WWOX: variants seen among roughly 807,000 people sequenced by gnomAD.
WWOX encodes the protein WW domain containing oxidoreductase, also known as WW domain-containing oxidoreductase.
WWOX carries 69 observed loss-of-function variants against 46.2 expected under a neutral mutation model. The observed-to-expected ratio is 1.49, with a 90% CI of 1.23 to 1.82. The LOEUF (loss-of-function observed/expected upper bound fraction) is 1.82, where lower values mean the gene tolerates loss of function less well. Ranked by LOEUF, WWOX falls within the 40% of genes most tolerant of loss-of-function variation. The pLI is 0.00. For missense variants in WWOX, 919 were observed against 542.6 expected (o/e 1.69, Z -6.89); for synonymous variants, 359 against 202.6 (o/e 1.77, Z -6.56).
At chr16:78,545,424 C>T (rs921162888) in intron 8 of WWOX, among the ~76,000 whole-genome samples, 1 of 152,058 alleles carries the variant, frequency 6.6e-6, no homozygotes, top group African/African-American at 2.4e-5. Context: ...CATTATGTTG[C>T]CCAGGTTGGC....
At chr16:79,130,096 C>A (rs2049845228) in intron 8 of WWOX, among the ~76,000 whole-genome samples, 1 of 152,112 alleles carries the variant, frequency 6.6e-6, no homozygotes, top group East Asian at 1.9e-4. Context: ...TTTTTATTTC[C>A]ATCTGTGTGT....
At chr16:79,199,665 G>A (rs1027034636) in intron 8 of WWOX, among the ~76,000 whole-genome samples, 11 of 152,124 alleles carry the variant, frequency 7.2e-5, no homozygotes, top group Admixed American at 2.6e-4. Context: ...CCTGGCCCCT[G>A]TATGGGATTC....
chr16:78,781,938 A>G (rs1347604148), intron 8 of WWOX, among the ~76,000 whole-genome samples: 3 of 152,166 alleles, frequency 2.0e-5, no homozygotes, highest in East Asian at 1.9e-4. Context: ...AAAATAAATA[A>G]CATTATTCTC....
At chr16:79,105,851 T>G (rs1192291481) in intron 8 of WWOX, 1 of 152,108 alleles carries the variant, frequency 6.6e-6, no homozygotes, top group East Asian at 1.9e-4. Context: ...GTTGCTATTT[T>G]TATTAGAAAC....
intron 8 of WWOX, among the ~76,000 whole-genome samples, chr16:78,734,618 C>A (rs73571673): frequency 0.038 from 5,706 of 151,888 alleles, 304 homozygotes; most frequent in African/African-American, 0.12. Context: ...TGATTAGGTC[C>A]CAGTCACAGG....
intron 8 of WWOX, among the ~76,000 whole-genome samples, chr16:78,470,331 A>T (rs1212795491): frequency 6.6e-6 from 1 of 152,174 alleles, no homozygotes; most frequent in African/African-American, 2.4e-5. Flanking sequence ...GGCATAGTAC[A>T]TCTTTGCCTC....
chr16:78,647,614 C>T (rs1124433), intron 8 of WWOX, among the ~76,000 whole-genome samples: 63,854 of 152,058 alleles, frequency 0.42, 16,128 homozygotes, highest in Middle Eastern at 0.62. Context: ...TATAAAATAA[C>T]AGCTACCATT....
chr16:78,815,360 T>C (rs72801056), intron 8 of WWOX, among the ~76,000 whole-genome samples: 11,204 of 152,182 alleles, frequency 0.074, 397 homozygotes, highest in South Asian at 0.15. Flanking sequence ...TCATACATTT[T>C]AGCTGACAAG....
At chr16:79,045,530 C>T (rs932386754) in intron 8 of WWOX, among the ~76,000 whole-genome samples, 1 of 152,140 alleles carries the variant, frequency 6.6e-6, no homozygotes, top group Non-Finnish European at 1.5e-5. Context: ...AGAAATTTCT[C>T]CATTCCTAGT....
chr16:78,608,955 C>G (rs1029628288), intron 8 of WWOX, among the ~76,000 whole-genome samples: 3 of 152,104 alleles, frequency 2.0e-5, no homozygotes, highest in Non-Finnish European at 2.9e-5. Context: ...AATCTCTACT[C>G]TTTTTATGAC....
At chr16:78,732,171 C>G (rs8053960) in intron 8 of WWOX, among the ~76,000 whole-genome samples, 23,008 of 151,994 alleles carry the variant, frequency 0.15, 2,112 homozygotes, top group African/African-American at 0.25. Context: ...AAACTTGAAT[C>G]TGGGCCACCT....
chr16:78,498,854 C>G (rs188489606), intron 8 of WWOX, among the ~76,000 whole-genome samples: 76 of 116,898 alleles, frequency 6.5e-4, no homozygotes, highest in African/African-American at 1.8e-3. Context: ...GCAGGAGCCA[C>G]TGTTACTGGT....
intron 8 of WWOX, among the ~76,000 whole-genome samples, chr16:79,056,299 C>T (rs1159583593): frequency 1.3e-5 from 2 of 151,912 alleles, no homozygotes; most frequent in African/African-American, 2.4e-5. Flanking sequence ...AAAATAGAAC[C>T]CCTGAAGAAA....
At chr16:78,672,294 AG>A (rs1269622821) in intron 8 of WWOX, among the ~76,000 whole-genome samples, 1 of 152,226 alleles carries the variant, frequency 6.6e-6, no homozygotes, top group African/African-American at 2.4e-5. Context: ...AAATGCAAGC[AG>A]GGGCATTCAT....
At chr16:78,316,568 C>G (rs1025873196) in intron 5 of WWOX, among the ~76,000 whole-genome samples, 2 of 152,120 alleles carry the variant, frequency 1.3e-5, no homozygotes, top group African/African-American at 2.4e-5. Flanking sequence ...TTCTAAAACT[C>G]CTGGCCTCAG....
chr16:78,270,364 T>C (rs544568207), intron 5 of WWOX: 11 of 152,334 alleles, frequency 7.2e-5, no homozygotes, highest in African/African-American at 2.6e-4. Context: ...GAGGACAGGA[T>C]GGCTTTCTTT....
chr16:78,733,590 A>C (rs907603431), intron 8 of WWOX, among the ~76,000 whole-genome samples: 2 of 148,314 alleles, frequency 1.3e-5, no homozygotes, highest in African/African-American at 5.0e-5. Context: ...TACTGAAAAT[A>C]CAAAAAAAAA....
intron 8 of WWOX, among the ~76,000 whole-genome samples, chr16:78,858,007 G>A (rs938168763): frequency 1.3e-5 from 2 of 152,052 alleles, no homozygotes; most frequent in African/African-American, 2.4e-5. Flanking sequence ...TTAGTTATTT[G>A]ACCTATTACA....
At chr16:79,029,500 T>C in intron 8 of WWOX, among the ~76,000 whole-genome samples, 1 of 152,198 alleles carries the variant, frequency 6.6e-6, no homozygotes, top group Non-Finnish European at 1.5e-5. Flanking sequence ...TTTAGGATCT[T>C]GGGGCAGTGA....
Sources: allele counts gnomAD v4.1 joint callset (sites outside exome capture counted in the v4.1 genomes callset), GRCh38; gene constraint gnomAD v4.1.1; transcripts MANE v1.5; gene names NCBI Gene and HGNC (gene_info 2026-07-23, HGNC 2026-07-21).